The following BLMH variants were observed in gnomAD, a reference collection of about 807,000 sequenced individuals.
BLMH encodes bleomycin hydrolase, also known as BLM hydrolase.
BLMH carries 32 observed loss-of-function variants against 61.6 expected under a neutral mutation model. The observed-to-expected ratio is 0.52, with a 90% confidence interval of 0.39 to 0.70. The LOEUF (loss-of-function observed/expected upper bound fraction) is 0.70. BLMH is among the 30% of genes least tolerant of loss of function. The pLI is 0.00. For missense variants in BLMH, 460 were observed against 555.5 expected, an observed-to-expected ratio of 0.83 and a Z score of 1.73; for synonymous variants, 183 against 193.8, an observed-to-expected ratio of 0.94 and a Z score of 0.46.
intron 6 of BLMH, among the ~76,000 whole-genome samples, chr17:30,283,710 CG>C (rs1908652917): frequency 6.6e-6 from 1 of 151,814 alleles, no homozygotes; most frequent in South Asian, 2.1e-4. Context: ...TTAGTAGAGA[CG>C]GGGTTTCACC....
intron 10 of BLMH, among the ~76,000 whole-genome samples, chr17:30,269,377 C>T (rs1168918255): frequency 6.6e-6 from 1 of 151,760 alleles, no homozygotes; most frequent in Admixed American, 6.6e-5. Context: ...GACAGGGTCT[C>T]GCCATGTCGG....
At chr17:30,288,531 G>A (rs1477974686) in intron 3 of BLMH, among the ~76,000 whole-genome samples, 1 of 151,714 alleles carries the variant, frequency 6.6e-6, no homozygotes, top group Non-Finnish European at 1.5e-5. Flanking sequence ...TGTATTTTTT[G>A]TAGAGATGGG....
intron 11 of BLMH, among the ~76,000 whole-genome samples, chr17:30,257,720 C>T (rs186056697): frequency 5.3e-5 from 8 of 152,322 alleles, no homozygotes; most frequent in African/African-American, 1.9e-4. Context: ...GATTCTTATT[C>T]TCACAACAAT....
intron 2 of BLMH, 31 bp from the exon 3 acceptor site, chr17:30,289,513 G>A (rs758159522): frequency 6.5e-7 from 1 of 1,533,852 alleles, no homozygotes; most frequent in Non-Finnish European, 9.0e-7. Context: ...AAGAAATTAT[G>A]AGGGTTCACA....
intron 11 of BLMH, chr17:30,252,026 GA>G (rs1907681576): frequency 6.6e-6 from 1 of 152,148 alleles, no homozygotes; most frequent in Non-Finnish European, 1.5e-5. Context: ...TAGATTTGCA[GA>G]AGACAGCTGA....
At chr17:30,286,760 A>T in intron 5 of BLMH, 54 bp downstream of exon 5, 2 of 1,323,578 alleles carry the variant, frequency 1.5e-6, no homozygotes, top group Middle Eastern at 3.6e-4. Context: ...TTTAAAAAAT[A>T]AGTTTGAAGG....
chr17:30,249,203 G>A (rs1907608886), intron 11 of BLMH, 35 bp from the exon 12 acceptor site: 3 of 1,609,554 alleles, frequency 1.9e-6, no homozygotes, highest in Non-Finnish European at 2.5e-6. Context: ...TGAGTCCAGA[G>A]GGCAAGGGAC....
In BLMH at chr17:30,287,796, G is replaced by A; in HGVS notation, c.463+10C>T. 6.2e-7 allele frequency: 1 copy of A among 1,613,172 alleles called. No individual in the cohort carries two copies. Among genetic ancestry groups the A allele is most frequent in the East Asian group, 2.2e-5 (1 of 44,864 alleles). On this transcript the variant is annotated intron_variant, in intron 4 of 11. Transcript: ENST00000261714. The stretch of plus-strand genomic sequence containing the variant: ...CTGAGTTTCAGTTCCATTAAAGAAA[G>A]AACTTTTACCAACAATATTAACAAG...
At chr17:30,271,453 G>A (rs1280306535) in intron 9 of BLMH, 65 bp from the exon 10 acceptor site, 11 of 1,305,800 alleles carry the variant, frequency 8.4e-6, no homozygotes, top group Admixed American at 1.7e-5. Context: ...GCTTTTGGTT[G>A]TAAAAGGAAT....
chr17:30,291,944 G>C lies in BLMH; in HGVS notation c.-125C>G, dbSNP rs936384091. 22 of 1,128,036 alleles carry C rather than the reference G, an allele frequency of 2.0e-5. No individual in the cohort carries two copies. The highest frequency in any genetic ancestry group is 2.4e-5 in the Non-Finnish European group (21 of 874,618). 69.9% of individuals were successfully genotyped at this position (1,128,036 alleles called of 1,614,324 possible). A position where few individuals can be genotyped will look rare whatever the true frequency, so the allele number is the denominator to read the frequency against. ...TCTCGCACCCGGAGCGCCGGAAAAA[G>C]GAAACCGGCTCGGCGGCGGCGGCGG... is the stretch of plus-strand genomic sequence containing the variant. On this transcript the variant is annotated 5_prime_UTR_variant, in exon 1 of 12. Transcript: ENST00000261714.
At chr17:30,253,561 T>C (rs1016498578) in intron 11 of BLMH, among the ~76,000 whole-genome samples, 2 of 152,278 alleles carry the variant, frequency 1.3e-5, no homozygotes, top group South Asian at 2.1e-4. Context: ...GAAACCTGTG[T>C]AGGAAGCAGC....
rs1908289695 is a variant in BLMH at position 30,272,112 on chromosome 17, A to C, written c.1028+449T>G. On this transcript the variant is annotated intron_variant, in intron 9 of 11. Coordinates refer to ENST00000261714, the MANE Select transcript of BLMH (RefSeq NM_000386.4). ...TGATTTAGTTTACAAATTAACCTTC[A>C]TTGTCATAAATGACCAGGAGGAATG... 1.7e-5 allele frequency: 3 copies of C among 172,096 alleles called. No homozygotes were observed. In the South Asian group the frequency reaches 4.4e-4, roughly 25 times the overall value. 10.7% of individuals were successfully genotyped at this position (172,096 alleles called of 1,614,324 possible).
intron 11 of BLMH, among the ~76,000 whole-genome samples, chr17:30,266,482 G>A (rs536418219): frequency 3.5e-4 from 50 of 141,826 alleles, no homozygotes; most frequent in African/African-American, 1.2e-3. Flanking sequence ...CCAAGATTAC[G>A]TCACTGCACT....
chr17:30,259,159 G>C (rs1907893959), intron 11 of BLMH, among the ~76,000 whole-genome samples: 1 of 152,096 alleles, frequency 6.6e-6, no homozygotes, highest in East Asian at 1.9e-4. Flanking sequence ...CTTACAATAG[G>C]TTACAAACAC....
At chr17:30,269,780 G>C (rs1313114073) in intron 10 of BLMH, among the ~76,000 whole-genome samples, 4 of 152,154 alleles carry the variant, frequency 2.6e-5, no homozygotes, top group Non-Finnish European at 4.4e-5. Flanking sequence ...AAAACTACAT[G>C]AGGATCAGGA....
intron 3 of BLMH, among the ~76,000 whole-genome samples, chr17:30,288,915 C>T (rs1489443764): frequency 6.6e-6 from 1 of 151,904 alleles, no homozygotes; most frequent in Non-Finnish European, 1.5e-5. Flanking sequence ...TACAGTGAGC[C>T]GAGACTGTGC....
chr17:30,284,186 A>C (rs991820976), intron 6 of BLMH, among the ~76,000 whole-genome samples: 1 of 152,224 alleles, frequency 6.6e-6, no homozygotes, highest in Non-Finnish European at 1.5e-5. Flanking sequence ...ATTTAAATGC[A>C]TTTGGTAAAT....
Position 30,289,382 on chromosome 17 carries a change from A to G in BLMH, c.312T>C (p.Phe104=). The G allele has an allele frequency of 1.2e-6, 2 of 1,602,344 alleles. No homozygotes were observed. Among genetic ancestry groups the G allele is most frequent in the South Asian group, 1.1e-5 (1 of 90,352 alleles). The change falls in exon 3 of 12, where the codon TTT becomes TTC. Residue 104 remains phenylalanine, a synonymous_variant. Transcript: ENST00000261714. ...EFEFSQSYLF[F]WDKVERCYFF... is the part of the protein sequence containing the mutation. ...CAGATCTGTCCCATACCTTGTCCCA[A>G]AAAAACAGGTAAGATTGGCTAAACT...
chr17:30,281,831 G>A (rs1171375252), intron 6 of BLMH, among the ~76,000 whole-genome samples: 1 of 151,960 alleles, frequency 6.6e-6, no homozygotes, highest in Non-Finnish European at 1.5e-5. Context: ...TTATAAACTT[G>A]ATGTTAAAAA....
Sources: allele counts gnomAD v4.1 joint callset (sites outside exome capture counted in the v4.1 genomes callset), GRCh38; gene constraint gnomAD v4.1.1; transcripts MANE v1.5; gene names NCBI Gene and HGNC (gene_info 2026-07-23, HGNC 2026-07-21).